The following CTNND2 variants were observed in gnomAD, a reference collection of about 807,000 sequenced individuals.
CTNND2 encodes catenin delta 2, also known as catenin delta-2.
Under a neutral mutation model 144.4 loss-of-function variants are expected in CTNND2, and 22 were observed. That is an observed-to-expected ratio of 0.15 (90% CI 0.11 to 0.22). The LOEUF is 0.22. CTNND2 is among the 10% of genes least tolerant of loss of function. The pLI is 1.00. For synonymous variants in CTNND2, 751 were observed against 695.6 expected, an observed-to-expected ratio of 1.08 and a Z score of -1.25; for missense variants, 1,353 against 1,618.8, an observed-to-expected ratio of 0.84 and a Z score of 2.82.
rs183368918 is a variant in CTNND2 at position 11,041,066 on chromosome 5, C to T, written c.2789-18087G>A. Among the ~76,000 whole-genome samples, 350 of 152,258 alleles carry T rather than the reference C, an allele frequency of 2.3e-3. 1 individual carries two copies. Among genetic ancestry groups the T allele is most frequent in the Non-Finnish European group, 3.4e-3 (230 of 68,004 alleles). On this transcript the variant is annotated intron_variant, in intron 16 of 21. Transcript: ENST00000304623. ...AGGAATAGAGTCTGAAATTAGTCCT[C>T]CAACCTGAGCGACATTGGAATAGCA...
chr5:11,593,958 A>C (rs957617316), intron 2 of CTNND2, among the ~76,000 whole-genome samples: 1 of 152,220 alleles, frequency 6.6e-6, no homozygotes, highest in African/African-American at 2.4e-5. Context: ...TGGAACTTTC[A>C]TAAAACTGTA....
chr5:11,577,074 C>A (rs149475302), intron 2 of CTNND2, among the ~76,000 whole-genome samples: 101 of 152,312 alleles, frequency 6.6e-4, no homozygotes, highest in Middle Eastern at 3.4e-3. Flanking sequence ...GTCTTTCGCA[C>A]TTTGCCTGGC....
chr5:11,053,924 G>C (rs1746095291), intron 16 of CTNND2, among the ~76,000 whole-genome samples: 1 of 152,212 alleles, frequency 6.6e-6, no homozygotes, highest in African/African-American at 2.4e-5. Context: ...AAACCTTGTT[G>C]AAAGGAGTAA....
intron 14 of CTNND2, among the ~76,000 whole-genome samples, chr5:11,104,661 G>GA (rs748679098): frequency 3.9e-5 from 6 of 152,122 alleles, no homozygotes; most frequent in Non-Finnish European, 8.8e-5. Flanking sequence ...GAATTTCAAA[G>GA]AAAACGGTAG....
intron 2 of CTNND2, among the ~76,000 whole-genome samples, chr5:11,687,418 G>A (rs1561694458): frequency 6.6e-6 from 1 of 152,258 alleles, no homozygotes; most frequent in East Asian, 1.9e-4. Context: ...TAGATTCTAG[G>A]GTATGGATTA....
chr5:11,255,197 A>G (rs1028581420), intron 9 of CTNND2, among the ~76,000 whole-genome samples: 1 of 152,218 alleles, frequency 6.6e-6, no homozygotes, highest in African/African-American at 2.4e-5. Flanking sequence ...GGTAAATAGA[A>G]GAAGGGAAAA....
intron 8 of CTNND2, among the ~76,000 whole-genome samples, chr5:11,351,121 G>T (rs1247268801): frequency 6.6e-6 from 1 of 152,134 alleles, no homozygotes; most frequent in Non-Finnish European, 1.5e-5. Context: ...ACTATTAAAA[G>T]ACTTTCCTTT....
At chr5:11,724,034 G>A (rs943081931) in intron 2 of CTNND2, among the ~76,000 whole-genome samples, 32 of 150,300 alleles carry the variant, frequency 2.1e-4, no homozygotes, top group Middle Eastern at 3.4e-3. Flanking sequence ...CAGCCTGGGC[G>A]ACAGAGCAAG....
At chr5:11,113,862 A>G (rs1262836070) in intron 13 of CTNND2, among the ~76,000 whole-genome samples, 1 of 152,208 alleles carries the variant, frequency 6.6e-6, no homozygotes, top group Non-Finnish European at 1.5e-5. Flanking sequence ...GAATCTGGTG[A>G]AAGGTAGCAG....
At chr5:11,204,544 A>G (rs10070497) in intron 10 of CTNND2, among the ~76,000 whole-genome samples, 11,824 of 152,320 alleles carry the variant, frequency 0.078, 604 homozygotes, top group South Asian at 0.15. Context: ...AAGTAATGCA[A>G]TAGCACCTAT....
At chr5:11,397,842 C>A (rs61749782) in intron 5 of CTNND2, among the ~76,000 whole-genome samples, 2,937 of 152,286 alleles carry the variant, frequency 0.019, 97 homozygotes, top group East Asian at 0.12. Context: ...TCATGCCACG[C>A]ATGTAGCTGA....
At chr5:11,708,253 A>G (rs949531607) in intron 2 of CTNND2, among the ~76,000 whole-genome samples, 1 of 152,100 alleles carries the variant, frequency 6.6e-6, no homozygotes, top group Non-Finnish European at 1.5e-5. Context: ...TATCAGTGGT[A>G]AAATGTAACA....
At chr5:11,425,136 T>C (rs553998684) in intron 3 of CTNND2, among the ~76,000 whole-genome samples, 1 of 152,328 alleles carries the variant, frequency 6.6e-6, no homozygotes, top group South Asian at 2.1e-4. Flanking sequence ...AAATTAAAAA[T>C]GATATTTTTG....
At chr5:11,562,166 G>A (rs1420661234) in intron 3 of CTNND2, among the ~76,000 whole-genome samples, 1 of 152,132 alleles carries the variant, frequency 6.6e-6, no homozygotes, top group Non-Finnish European at 1.5e-5. Flanking sequence ...ATACAAATAT[G>A]TCTGGCAGTT....
chr5:11,371,268 T>C (rs1757454609), intron 7 of CTNND2, among the ~76,000 whole-genome samples: 1 of 152,246 alleles, frequency 6.6e-6, no homozygotes, highest in Admixed American at 6.5e-5. Context: ...ATACCTGTTA[T>C]CATGAAACTC....
chr5:11,872,396 C>T (rs529301672), intron 1 of CTNND2, among the ~76,000 whole-genome samples: 115 of 152,236 alleles, frequency 7.6e-4, no homozygotes, highest in African/African-American at 2.7e-3. Context: ...TGAATAGATA[C>T]CCAGTAATGG....
intron 3 of CTNND2, among the ~76,000 whole-genome samples, chr5:11,455,324 C>T (rs567575362): frequency 6.6e-6 from 1 of 152,176 alleles, no homozygotes; most frequent in South Asian, 2.1e-4. Flanking sequence ...CTTATTTTGC[C>T]AAGTACAGTG....
chr5:11,028,171 T>C (rs910438230), intron 16 of CTNND2, among the ~76,000 whole-genome samples: 1 of 152,260 alleles, frequency 6.6e-6, no homozygotes, highest in East Asian at 1.9e-4. Context: ...ATTATAAACT[T>C]AAATGTCTCA....
At chr5:11,269,591 C>T (rs1308308821) in intron 9 of CTNND2, among the ~76,000 whole-genome samples, 2 of 152,138 alleles carry the variant, frequency 1.3e-5, no homozygotes, top group Non-Finnish European at 2.9e-5. Flanking sequence ...ACATAGATTG[C>T]TATGTTTAAT....
Sources: gnomAD v4.1 joint callset for allele counts (sites outside exome capture counted in the v4.1 genomes callset) on GRCh38, gnomAD v4.1.1 for gene constraint, MANE v1.5 for transcripts, NCBI Gene and HGNC (gene_info 2026-07-23, HGNC 2026-07-21) for gene names.